Variants in RBFOX1 observed in about 807,000 individuals in gnomAD.
The protein encoded by RBFOX1 is RNA binding fox-1 homolog 1.
Under a neutral mutation model 57.7 loss-of-function variants are expected in RBFOX1, and 8 were observed. The observed-to-expected ratio is 0.14, with a 90% CI of 0.08 to 0.25. RBFOX1 has a LOEUF of 0.25. Among genes scored for constraint, RBFOX1 ranks in the 10% least tolerant of loss-of-function variants. The probability of loss-of-function intolerance (pLI) is 1.00; values close to 1 mark genes in which losing one functional copy is unlikely to be tolerated. For missense variants in RBFOX1, 611 were observed against 548.5 expected (o/e 1.11, Z -1.14); for synonymous variants, 326 against 222.4 (o/e 1.47, Z -4.15).
intron 2 of RBFOX1, among the ~76,000 whole-genome samples, chr16:5,585,261 A>C (rs1439074817): frequency 6.6e-6 from 1 of 152,130 alleles, no homozygotes; most frequent in Non-Finnish European, 1.5e-5. Flanking sequence ...AAAATTATGC[A>C]ATGTATGGTA....
At chr16:5,586,928 G>A (rs1567263029) in intron 2 of RBFOX1, among the ~76,000 whole-genome samples, 1 of 152,210 alleles carries the variant, frequency 6.6e-6, no homozygotes, top group Non-Finnish European at 1.5e-5. Context: ...CACTTAGCAG[G>A]TTCTTAAATG....
chr16:7,510,342 T>G, intron 4 of RBFOX1: 1 of 985,610 alleles, frequency 1.0e-6, no homozygotes, highest in Non-Finnish European at 1.2e-6. Flanking sequence ...CATTTAATCT[T>G]TCACTCAAAA....
In RBFOX1 at chr16:6,869,049, G is replaced by C. The variant is rs147190421; in HGVS notation, c.-15-183008G>C. Among the ~76,000 whole-genome samples the C allele has an allele frequency of 4.6e-5, 7 of 152,308 alleles. No homozygotes were observed. The East Asian group carries it at 1.2e-3, about 25-fold the overall frequency. ...CCAACCTGTATTGAGCACATGGTACGAATGAGAAATAAACTTCCATTGCTA... is the reference window on the plus strand; with the variant it reads ...CCAACCTGTATTGAGCACATGGTACCAATGAGAAATAAACTTCCATTGCTA... On this transcript the variant is annotated intron_variant, in intron 3 of 15. Transcript: ENST00000550418.
chr16:5,919,386 A>G (rs1316090512), intron 4 of RBFOX1, among the ~76,000 whole-genome samples: 6 of 152,144 alleles, frequency 3.9e-5, no homozygotes, highest in Admixed American at 2.6e-4. Context: ...CTTGTTTCCT[A>G]GGCTGGAGTG....
In RBFOX1 at chr16:6,925,306, G is replaced by C. The variant is rs576306630; in HGVS notation, c.-15-126751G>C. Among the ~76,000 whole-genome samples the C allele has an allele frequency of 8.8e-5, 13 of 148,324 alleles. No homozygotes were observed. In the South Asian group the frequency reaches 2.7e-3, roughly 31 times the overall value. On this transcript the variant is annotated intron_variant, in intron 3 of 15. Coordinates refer to ENST00000550418, the MANE Select transcript of RBFOX1 (RefSeq NM_018723.4). ...AAATCACCATGCCCATTTAACTTTT[G>C]TAGAGATAGGGTTTCGTCCTGTTGG... is the stretch of plus-strand genomic sequence containing the variant.
At chr16:6,355,771 T>C (rs907850317) in intron 2 of RBFOX1, among the ~76,000 whole-genome samples, 3 of 152,226 alleles carry the variant, frequency 2.0e-5, no homozygotes, top group Non-Finnish European at 4.4e-5. Context: ...AGAGTTCCTA[T>C]TTCTCCACAT....
intron 4 of RBFOX1, among the ~76,000 whole-genome samples, chr16:5,956,666 A>ATT: frequency 2.2e-5 from 1 of 45,368 alleles, no homozygotes; most frequent in African/African-American, 1.1e-4. Context: ...ATTTATATAT[A>ATT]TATATATATA....
chr16:7,170,136 T>C lies in RBFOX1; in HGVS notation c.27+118038T>C, dbSNP rs143582950. ...CATGCTGGGTAATTAATATATCTTA[T>C]GTTTTGCACAGACAGAACTTCAAAT... On this transcript the variant is annotated intron_variant, in intron 4 of 15. Coordinates refer to ENST00000550418, the MANE Select transcript of RBFOX1 (RefSeq NM_018723.4). Among the ~76,000 whole-genome samples the C allele has an allele frequency of 2.1e-3, 314 of 152,308 alleles. 1 individual carries two copies. Among genetic ancestry groups the C allele is most frequent in the African/African-American group, 6.7e-3 (278 of 41,556 alleles).
At chr16:6,178,208 A>G (rs1408715758) in intron 1 of RBFOX1, among the ~76,000 whole-genome samples, 2 of 108,694 alleles carry the variant, frequency 1.8e-5, no homozygotes, top group Non-Finnish European at 3.4e-5. Context: ...TTTTTTGGAG[A>G]CAGAGTGTTG....
chr16:5,534,570 A>G (rs994307542), intron 2 of RBFOX1, among the ~76,000 whole-genome samples: 2 of 152,156 alleles, frequency 1.3e-5, no homozygotes, highest in African/African-American at 2.4e-5. Context: ...AGCGCAGGAG[A>G]AAGATGAAAG....
At chr16:6,109,738 T>C (rs1286708825) in intron 1 of RBFOX1, among the ~76,000 whole-genome samples, 7 of 152,212 alleles carry the variant, frequency 4.6e-5, no homozygotes, top group Non-Finnish European at 1.0e-4. Context: ...TTATCAGTAT[T>C]ATTAAAATTT....
intron 1 of RBFOX1, among the ~76,000 whole-genome samples, chr16:6,033,085 C>G (rs929324743): frequency 5.1e-4 from 77 of 152,182 alleles, no homozygotes; most frequent in African/African-American, 1.7e-3. Flanking sequence ...GAAACTCTTG[C>G]AGTTTACGTT....
chr16:7,504,420 T>C (rs2072074335), intron 4 of RBFOX1, among the ~76,000 whole-genome samples: 3 of 151,964 alleles, frequency 2.0e-5, no homozygotes, highest in African/African-American at 4.8e-5. Flanking sequence ...TTGTGCCTTT[T>C]TGACAACCTC....
At chr16:7,196,826 T>A (rs995261687) in intron 4 of RBFOX1, among the ~76,000 whole-genome samples, 2 of 152,056 alleles carry the variant, frequency 1.3e-5, no homozygotes, top group African/African-American at 4.8e-5. Flanking sequence ...GAAGGGTGTT[T>A]CAAGCAAAGA....
intron 1 of RBFOX1, among the ~76,000 whole-genome samples, chr16:6,193,375 T>TACATTATATATATATAC (rs1567650690): frequency 4.6e-5 from 3 of 64,860 alleles, no homozygotes; most frequent in South Asian, 5.0e-4. Flanking sequence ...TATATATATA[T>TACATTATATATATATAC]ACATTATATA....
intron 3 of RBFOX1, among the ~76,000 whole-genome samples, chr16:6,795,499 G>C (rs1018287434): frequency 4.6e-5 from 7 of 152,100 alleles, no homozygotes; most frequent in Non-Finnish European, 1.0e-4. Flanking sequence ...TGCGCACGTT[G>C]GCTCACGTCT....
At chr16:7,393,166 A>C (rs1381591696) in intron 4 of RBFOX1, among the ~76,000 whole-genome samples, 2 of 151,994 alleles carry the variant, frequency 1.3e-5, no homozygotes, top group African/African-American at 4.8e-5. Context: ...GAGCCACCGC[A>C]CCCCACCTGG....
chr16:7,233,386 C>A (rs1171945103), intron 4 of RBFOX1, among the ~76,000 whole-genome samples: 2 of 152,174 alleles, frequency 1.3e-5, no homozygotes, highest in African/African-American at 4.8e-5. Flanking sequence ...AAGTCCTGAT[C>A]ACCATTTGTA....
chr16:6,801,798 A>T (rs866089335), intron 3 of RBFOX1, among the ~76,000 whole-genome samples: 2 of 152,112 alleles, frequency 1.3e-5, no homozygotes, highest in Non-Finnish European at 2.9e-5. Flanking sequence ...CAAAATTACA[A>T]AGTTTTCCAA....
Sources: allele counts gnomAD v4.1 joint callset (sites outside exome capture counted in the v4.1 genomes callset), GRCh38; gene constraint gnomAD v4.1.1; transcripts MANE v1.5; gene names NCBI Gene and HGNC (gene_info 2026-07-23, HGNC 2026-07-21).